The following PTPRD variants were observed in gnomAD, a reference collection of about 807,000 sequenced individuals.
PTPRD encodes the protein receptor-type tyrosine-protein phosphatase delta.
A neutral mutation model predicts 214.5 loss-of-function variants in PTPRD; 34 were observed. The ratio of observed to expected loss-of-function variants is 0.16; its 90% CI spans 0.12 to 0.21. The LOEUF is 0.21. Ranked by LOEUF, PTPRD falls within the 10% of genes least tolerant of loss-of-function variation. PTPRD has a pLI of 1.00. For synonymous variants in PTPRD, 1,128 were observed against 845.7 expected (o/e 1.33, Z -5.79); for missense variants, 2,545 against 2,398.7 (o/e 1.06, Z -1.27).
chr9:10,142,587 A>G (rs1200339577), intron 3 of PTPRD, among the ~76,000 whole-genome samples: 7 of 151,316 alleles, frequency 4.6e-5, no homozygotes, highest in African/African-American at 1.7e-4. Flanking sequence ...ACCATTTCAC[A>G]CCAGTTAGAA....
At chr9:8,338,794 C>T in intron 43 of PTPRD, 128 bp downstream of exon 43, 1 of 850,892 alleles carries the variant, frequency 1.2e-6, no homozygotes, top group Non-Finnish European at 1.7e-6. Flanking sequence ...AAAACGTTCT[C>T]CAGAATGAAT....
intron 8 of PTPRD, among the ~76,000 whole-genome samples, chr9:9,420,214 A>T (rs1279795444): frequency 6.6e-6 from 1 of 151,870 alleles, no homozygotes; most frequent in African/African-American, 2.4e-5. Flanking sequence ...TTTAATTGAC[A>T]CAAACAAAAT....
chr9:9,711,676 A>C (rs1305031429), intron 7 of PTPRD, among the ~76,000 whole-genome samples: 1 of 152,180 alleles, frequency 6.6e-6, no homozygotes, highest in Admixed American at 6.5e-5. Flanking sequence ...GACACTTTTG[A>C]TGATCAGAAC....
At chr9:8,359,991 G>C (rs1223929465) in intron 39 of PTPRD, among the ~76,000 whole-genome samples, 2 of 152,166 alleles carry the variant, frequency 1.3e-5, no homozygotes, top group African/African-American at 2.4e-5. Context: ...TGTTTGTTAG[G>C]AGGCTACTCT....
At chr9:9,881,730 C>A (rs1259311945) in intron 5 of PTPRD, among the ~76,000 whole-genome samples, 1 of 152,132 alleles carries the variant, frequency 6.6e-6, no homozygotes, top group African/African-American at 2.4e-5. Flanking sequence ...CACTCTGTGA[C>A]CTTCCAGGGT....
intron 8 of PTPRD, among the ~76,000 whole-genome samples, chr9:9,447,855 G>A (rs570860977): frequency 3.3e-5 from 5 of 152,188 alleles, no homozygotes; most frequent in African/African-American, 7.2e-5. Context: ...TGTCTGGCAT[G>A]TTCAAAAAGC....
At chr9:9,224,877 A>G (rs2099958420) in intron 9 of PTPRD, among the ~76,000 whole-genome samples, 1 of 152,000 alleles carries the variant, frequency 6.6e-6, no homozygotes, top group Admixed American at 6.6e-5. Context: ...ACATTTGCTA[A>G]TTGCTGATGT....
intron 12 of PTPRD, among the ~76,000 whole-genome samples, chr9:8,700,223 T>C (rs2098042628): frequency 6.6e-6 from 1 of 152,124 alleles, no homozygotes; most frequent in Non-Finnish European, 1.5e-5. Context: ...ACAAAATTAC[T>C]TTCATTTAAG....
chr9:10,352,683 T>C (rs1465832146), intron 2 of PTPRD, among the ~76,000 whole-genome samples: 1 of 152,080 alleles, frequency 6.6e-6, no homozygotes, highest in Non-Finnish European at 1.5e-5. Flanking sequence ...CAAGCCTTTC[T>C]TACTATCTAT....
chr9:9,085,047 G>C (rs1301230510), intron 10 of PTPRD, among the ~76,000 whole-genome samples: 1 of 152,044 alleles, frequency 6.6e-6, no homozygotes, highest in African/African-American at 2.4e-5. Flanking sequence ...AGGAGATATT[G>C]ATTATAATGT....
intron 4 of PTPRD, among the ~76,000 whole-genome samples, chr9:10,017,687 G>T (rs10511529): frequency 5.3e-5 from 8 of 151,756 alleles, no homozygotes; most frequent in African/African-American, 1.9e-4. Flanking sequence ...CTTTTCTCTG[G>T]CAATCGCATC....
Position 8,341,197 on chromosome 9 carries a change from A to G in PTPRD, c.5019T>C (p.Asn1673=). The part of the protein sequence containing the change: ...SANLPCNKFK[N]RLVNIMPYES... Reference sequence around the variant, plus strand: ...CATATGGCATAATATTAACAAGGCGATTTTTGAATTTATTACATGGAAGAT... The same window carrying G: ...CATATGGCATAATATTAACAAGGCGGTTTTTGAATTTATTACATGGAAGAT... The change falls in exon 41 of 46, where the codon AAT becomes AAC. Residue 1673 remains asparagine, a synonymous_variant. Transcript: ENST00000381196. 1 of 1,612,930 alleles carries G rather than the reference A, an allele frequency of 6.2e-7. No homozygotes were observed. The highest frequency in any genetic ancestry group is 8.5e-7 in the Non-Finnish European group (1 of 1,179,430).
chr9:9,700,765 A>G (rs2154411754), intron 7 of PTPRD, among the ~76,000 whole-genome samples: 1 of 152,236 alleles, frequency 6.6e-6, no homozygotes, highest in South Asian at 2.1e-4. Flanking sequence ...AACTAAGTTT[A>G]AGACTTATCT....
intron 19 of PTPRD, among the ~76,000 whole-genome samples, chr9:8,523,128 A>G (rs994556456): frequency 1.3e-5 from 2 of 152,146 alleles, no homozygotes; most frequent in Admixed American, 6.6e-5. Flanking sequence ...AGGAGAGTTT[A>G]GTCTTCATGC....
intron 8 of PTPRD, among the ~76,000 whole-genome samples, chr9:9,528,439 G>C (rs149356624): frequency 6.6e-6 from 1 of 152,112 alleles, no homozygotes; most frequent in Non-Finnish European, 1.5e-5. Context: ...CTAAAGGATT[G>C]TCAGGAACTG....
chr9:8,664,315 A>G (rs1320204077), intron 12 of PTPRD, among the ~76,000 whole-genome samples: 7 of 152,228 alleles, frequency 4.6e-5, no homozygotes, highest in African/African-American at 1.4e-4. Flanking sequence ...CTTCTGAATC[A>G]TATTAACCGT....
At chr9:9,687,351 A>G (rs1265598835) in intron 7 of PTPRD, among the ~76,000 whole-genome samples, 1 of 151,758 alleles carries the variant, frequency 6.6e-6, no homozygotes, top group African/African-American at 2.4e-5. Flanking sequence ...AGATAAGTGG[A>G]GCTCCCTTTG....
chr9:10,511,560 C>T (rs1270164849), intron 2 of PTPRD, among the ~76,000 whole-genome samples: 1 of 136,334 alleles, frequency 7.3e-6, no homozygotes, highest in Admixed American at 7.4e-5. Flanking sequence ...TGCGCCACCA[C>T]ACCCTGGTAT....
chr9:8,875,671 G>A (rs1305187843), intron 11 of PTPRD, among the ~76,000 whole-genome samples: 3 of 152,216 alleles, frequency 2.0e-5, no homozygotes, highest in Admixed American at 6.5e-5. Context: ...ATATTATTAT[G>A]CTCAATAATA....
Sources: allele counts gnomAD v4.1 joint callset (sites outside exome capture counted in the v4.1 genomes callset), GRCh38; gene constraint gnomAD v4.1.1; transcripts MANE v1.5; gene names NCBI Gene and HGNC (gene_info 2026-07-23, HGNC 2026-07-21).